FBXO34: variants seen among roughly 807,000 people sequenced by gnomAD.
The protein encoded by FBXO34 is F-box protein 34, also known as F-box only protein 34.
Under a neutral mutation model 24.5 loss-of-function variants are expected in FBXO34, and 12 were observed. The observed-to-expected ratio is 0.49, with a 90% CI of 0.31 to 0.79. The LOEUF (loss-of-function observed/expected upper bound fraction) is 0.79, where lower values mean the gene tolerates loss of function less well. Ranked by LOEUF, FBXO34 falls within the 30% of genes least tolerant of loss-of-function variation. The pLI is 0.04. For missense variants in FBXO34, 823 were observed against 857.7 expected, an observed-to-expected ratio of 0.96 and a Z score of 0.51; for synonymous variants, 320 against 311.9, an observed-to-expected ratio of 1.03 and a Z score of -0.27.
intron 1 of FBXO34, among the ~76,000 whole-genome samples, chr14:55,341,477 A>AGT (rs1883989218): frequency 6.6e-6 from 1 of 152,214 alleles, no homozygotes; most frequent in Non-Finnish European, 1.5e-5. Flanking sequence ...CACTCAAGGA[A>AGT]GTAGTGGTTT....
chr14:55,396,570 T>A, the FBXO34 span, among the ~76,000 whole-genome samples: 5 of 152,192 alleles, frequency 3.3e-5, no homozygotes, highest in Non-Finnish European at 5.9e-5. Flanking sequence ...TTAACTGTTT[T>A]CATCGGGGGT....
chr14:55,369,538 C>T (rs1392903609), downstream of FBXO34: 7 of 1,295,844 alleles, frequency 5.4e-6, no homozygotes, highest in Middle Eastern at 2.9e-4. Flanking sequence ...ACTATCTTAA[C>T]TTAAACAGAA....
chr14:55,291,611 ATTGC>A, intron 1 of FBXO34, among the ~76,000 whole-genome samples: 1 of 151,552 alleles, frequency 6.6e-6, no homozygotes, highest in Admixed American at 6.6e-5. Context: ...AGTGGGGAGG[ATTGC>A]TTGAGGCCAA....
Position 55,352,341 on chromosome 14 carries a change from C to T in FBXO34, c.1951C>T (p.Pro651Ser). The change falls in exon 2 of 2, where the codon CCC becomes TCC. Residue 651 changes from proline to serine, a missense_variant. This residue lies in a region of FBXO34 where 130 missense variants were observed against 198.6 expected (regional missense o/e 0.65). Coordinates refer to ENST00000313833, the MANE Select transcript of FBXO34 (RefSeq NM_017943.4). ...GGATGTGTCCCTGTGCCGATGGCAC[C>T]CCAAGCCCTATTGCCAGGCATTGCC... The part of the protein sequence containing the change: ...KGDVSLCRWH[P>S]KPYCQALPYG... 6.2e-7 allele frequency: 1 copy of T among 1,614,174 alleles called. No homozygotes were observed. The highest frequency in any genetic ancestry group is 8.5e-7 in the Non-Finnish European group (1 of 1,180,008).
chr14:55,419,188 C>T, the FBXO34 span, among the ~76,000 whole-genome samples: 1 of 152,244 alleles, frequency 6.6e-6, no homozygotes, highest in Admixed American at 6.5e-5. Flanking sequence ...GGCTCTGGAG[C>T]CTGGCTCCTC....
chr14:55,374,677 A>C (rs567760121), downstream of FBXO34, among the ~76,000 whole-genome samples: 2 of 152,010 alleles, frequency 1.3e-5, no homozygotes, highest in Non-Finnish European at 2.9e-5. Context: ...AAGGTTTTTT[A>C]TATCATCTGG....
intron 1 of FBXO34, among the ~76,000 whole-genome samples, chr14:55,317,656 T>G (rs913183963): frequency 2.6e-5 from 4 of 152,192 alleles, no homozygotes; most frequent in Non-Finnish European, 5.9e-5. Flanking sequence ...GTGACATCAT[T>G]TAGTAGCTTG....
chr14:55,358,090 A>G (rs559485364), downstream of FBXO34, among the ~76,000 whole-genome samples: 25 of 151,028 alleles, frequency 1.7e-4, no homozygotes, highest in Admixed American at 1.3e-3. Context: ...ATCCTCCCCT[A>G]TACAGACAAC....
intron 1 of FBXO34, among the ~76,000 whole-genome samples, chr14:55,304,279 A>C (rs1355740485): frequency 1.3e-5 from 2 of 152,214 alleles, no homozygotes; most frequent in Non-Finnish European, 2.9e-5. Context: ...TCAGTACTTG[A>C]AACACCAGCT....
chr14:55,382,006 G>A, the FBXO34 span: 1 of 1,614,162 alleles, frequency 6.2e-7, no homozygotes, highest in Admixed American at 1.7e-5. Context: ...GCTGTAGTAG[G>A]CAGAGTAGTC....
chr14:55,386,901 A>G, the FBXO34 span, among the ~76,000 whole-genome samples: 1 of 152,094 alleles, frequency 6.6e-6, no homozygotes, highest in Non-Finnish European at 1.5e-5. Context: ...CCAAGTTCAA[A>G]ATCAAGTTCA....
the FBXO34 span, among the ~76,000 whole-genome samples, chr14:55,396,373 G>A: frequency 6.6e-6 from 1 of 152,188 alleles, no homozygotes; most frequent in Non-Finnish European, 1.5e-5. Flanking sequence ...GGAATAAAAT[G>A]TTCTATGGGA....
chr14:55,362,942 C>A (rs571357317), downstream of FBXO34, among the ~76,000 whole-genome samples: 21 of 151,952 alleles, frequency 1.4e-4, no homozygotes, highest in Middle Eastern at 3.4e-3. Context: ...AAATACCACA[C>A]CCAAAGGGAA....
intron 1 of FBXO34, among the ~76,000 whole-genome samples, chr14:55,306,748 A>G (rs112714424): frequency 0.011 from 1,706 of 152,302 alleles, 15 homozygotes; most frequent in Middle Eastern, 0.027. Context: ...CAGGAGAATT[A>G]CTTGAACCTG....
chr14:55,404,234 A>T, the FBXO34 span, among the ~76,000 whole-genome samples: 2 of 152,234 alleles, frequency 1.3e-5, no homozygotes, highest in Non-Finnish European at 1.5e-5. Flanking sequence ...AGGGCTGGAG[A>T]CTTTCACTTG....
At chr14:55,363,180 G>A (rs375992555), downstream of FBXO34, among the ~76,000 whole-genome samples, 51 of 147,012 alleles carry the variant, frequency 3.5e-4, 1 homozygote, top group East Asian at 6.6e-3. Context: ...ACACCACCAC[G>A]CCTGGCTAAT....
intron 1 of FBXO34, among the ~76,000 whole-genome samples, chr14:55,329,153 T>TTTTTTTTTTTTTTTTTTTTTTAG (rs1555338353): frequency 6.7e-6 from 1 of 149,632 alleles, no homozygotes; most frequent in Admixed American, 6.7e-5. Flanking sequence ...GGTTTATTTC[T>TTTTTTTTTTTTTTTTTTTTTTAG]AAAATTCATG....
At chr14:55,291,453 A>G (rs918636799) in intron 1 of FBXO34, among the ~76,000 whole-genome samples, 5 of 152,196 alleles carry the variant, frequency 3.3e-5, no homozygotes, top group African/African-American at 1.2e-4. Flanking sequence ...TGATGGTTAA[A>G]GGTAGATGAG....
chr14:55,273,025 A>T (rs1436419370), intron 1 of FBXO34, among the ~76,000 whole-genome samples: 1 of 152,238 alleles, frequency 6.6e-6, no homozygotes, highest in African/African-American at 2.4e-5. Flanking sequence ...GCATATCAGT[A>T]CTTTTCATTT....
Sources: gnomAD v4.1 joint callset for allele counts (sites outside exome capture counted in the v4.1 genomes callset) on GRCh38, gnomAD v4.1.1 for gene constraint, gnomAD v4.1.1 regional missense constraint, MANE v1.5 for transcripts, NCBI Gene and HGNC (gene_info 2026-07-23, HGNC 2026-07-21) for gene names.